The following MCFD2 variants were observed in gnomAD, a reference collection of about 807,000 sequenced individuals.
MCFD2 encodes multiple coagulation factor deficiency 2, ER cargo receptor complex subunit, also known as multiple coagulation factor deficiency protein 2.
A neutral mutation model predicts 12.8 loss-of-function variants in MCFD2; 11 were observed. The ratio of observed to expected loss-of-function variants is 0.86; its 90% CI spans 0.54 to 1.42. The LOEUF (loss-of-function observed/expected upper bound fraction) is 1.42. Among genes scored for constraint, MCFD2 ranks in the 40% most tolerant of loss-of-function variants. MCFD2 has a pLI of 0.00. For missense variants in MCFD2, 191 were observed against 178.6 expected, an observed-to-expected ratio of 1.07 and a Z score of -0.40; for synonymous variants, 70 against 68.1, an observed-to-expected ratio of 1.03 and a Z score of -0.14.
intron 1 of MCFD2, among the ~76,000 whole-genome samples, chr2:46,931,187 C>G (rs751466810): frequency 6.6e-6 from 1 of 152,236 alleles, no homozygotes; most frequent in Non-Finnish European, 1.5e-5. Flanking sequence ...GCAATCATGG[C>G]TCACTGCAGC....
chr2:46,927,355 A>AT lies in MCFD2; in HGVS notation c.-8+14216dup, dbSNP rs60808815. ...TATTAAAGATAGAGGAGAAAAAAAGATTTTTTTTTTTTTTTTTTTGAGATG... is the reference window on the plus strand; with the variant it reads ...TATTAAAGATAGAGGAGAAAAAAAGATTTTTTTTTTTTTTTTTTTTGAGATG... On this transcript the variant is annotated intron_variant, in intron 1 of 2. Transcript: ENST00000409147. Among the ~76,000 whole-genome samples the AT allele has an allele frequency of 4.6e-3, 608 of 132,876 alleles. 3 individuals carry two copies. The highest frequency in any genetic ancestry group is 0.02 in the South Asian group (83 of 4,192). The allele number at this position is 132,876 out of a possible 152,430, so 87.2% of individuals were successfully genotyped here.
At chr2:46,914,918 A>T (rs1668646014) in intron 1 of MCFD2, among the ~76,000 whole-genome samples, 1 of 152,250 alleles carries the variant, frequency 6.6e-6, no homozygotes, top group Non-Finnish European at 1.5e-5. Flanking sequence ...AGTTAAAGGA[A>T]GACAGGTCAT....
intron 1 of MCFD2, among the ~76,000 whole-genome samples, chr2:46,933,532 G>C (rs1173396475): frequency 6.6e-6 from 1 of 152,186 alleles, no homozygotes; most frequent in Non-Finnish European, 1.5e-5. Flanking sequence ...GCCAGCTCCT[G>C]GCAGAGTTTT....
chr2:46,917,982 T>C (rs994978296), upstream of MCFD2, among the ~76,000 whole-genome samples: 6 of 152,202 alleles, frequency 3.9e-5, no homozygotes, highest in Non-Finnish European at 8.8e-5. Flanking sequence ...CTATCCACCC[T>C]CCCTATGTGA....
upstream of MCFD2, among the ~76,000 whole-genome samples, chr2:46,920,391 A>T (rs1669040040): frequency 6.6e-6 from 1 of 152,028 alleles, no homozygotes; most frequent in African/African-American, 2.4e-5. Flanking sequence ...GTACAGTGGC[A>T]CGATCTTAGC....
At position 46,908,972 on chromosome 2, in the gene MCFD2, G is replaced by T. The variant is rs752210000; in HGVS notation, c.149+51C>A. 1 of 1,612,838 alleles carries T rather than the reference G, an allele frequency of 6.2e-7. No individual in the cohort carries two copies. The highest frequency in any genetic ancestry group is 8.5e-7 in the Non-Finnish European group (1 of 1,178,912). The stretch of plus-strand genomic sequence containing the variant: ...TGAGCATGCCCTTGCCGCTGGCTCA[G>T]CTGCAGATGATGGGGAGGCCACTGG... On this transcript the variant is annotated intron_variant, in intron 2 of 3. Coordinates refer to ENST00000319466, the MANE Select transcript of MCFD2 (RefSeq NM_139279.6). The surrounding 1 kb of genome is among the most constrained non-coding windows in gnomAD (Gnocchi z 4.5).
At chr2:46,929,199 C>T (rs992649084) in intron 1 of MCFD2, among the ~76,000 whole-genome samples, 1 of 151,968 alleles carries the variant, frequency 6.6e-6, no homozygotes, top group Non-Finnish European at 1.5e-5. Flanking sequence ...AAAAACACTT[C>T]TAGGCTGGGT....
At chr2:46,932,419 G>C (rs539154022) in intron 1 of MCFD2, among the ~76,000 whole-genome samples, 36 of 152,230 alleles carry the variant, frequency 2.4e-4, no homozygotes, top group Non-Finnish European at 5.3e-4. Flanking sequence ...AAAGTGCTGG[G>C]ATTACAGGCG....
chr2:46,915,492 G>A (rs1046344550), intron 1 of MCFD2, among the ~76,000 whole-genome samples: 3 of 152,188 alleles, frequency 2.0e-5, no homozygotes, highest in African/African-American at 7.2e-5. Context: ...CAGGGAAGGG[G>A]GCGGAGATCT....
rs1206931362 is a variant in MCFD2 at position 46,904,188 on chromosome 2, C to T, written c.*1275G>A. On this transcript the variant is annotated 3_prime_UTR_variant, in exon 4 of 4. Coordinates refer to ENST00000319466, the MANE Select transcript of MCFD2 (RefSeq NM_139279.6). ...AGATGTATGGAAATGCCTCAATGCC[C>T]AGGCAAACGTTTGCTGCAGGGGAGA... 1 of 152,218 alleles carries T rather than the reference C, an allele frequency of 6.6e-6. No homozygotes were observed. The highest frequency in any genetic ancestry group is 2.4e-5 in the African/African-American group (1 of 41,432). 9.4% of individuals were successfully genotyped at this position (152,218 alleles called of 1,614,324 possible). A position where few individuals can be genotyped will look rare whatever the true frequency, so the allele number is the denominator to read the frequency against.
At chr2:46,915,613 C>T in intron 1 of MCFD2, 110 bp downstream of exon 1, 1 of 271,420 alleles carries the variant, frequency 3.7e-6, no homozygotes, top group Non-Finnish European at 5.6e-6. Context: ...CCTGGGGGCC[C>T]AGCCCGCGCC....
rs528468662 is a variant in MCFD2, at chr2:46,940,033, G to T, written c.-8+1539C>A. On this transcript the variant is annotated intron_variant, in intron 1 of 2. Transcript: ENST00000409147. This position sits in a 1 kb window ranked among gnomAD's most constrained non-coding sequence, Gnocchi z 4.7. ...GGAGCTGCATTTAGAACCCGGAGAG[G>T]AGGGCCTCCACATGGGAGTCGGGGG... Among the ~76,000 whole-genome samples, 1 of 152,278 alleles carries T rather than the reference G, an allele frequency of 6.6e-6. No homozygotes were observed. The highest frequency in any genetic ancestry group is 2.4e-5 in the African/African-American group (1 of 41,552).
chr2:46,915,623 C>A (rs1203759026), intron 1 of MCFD2, 100 bp downstream of exon 1: 2 of 317,996 alleles, frequency 6.3e-6, no homozygotes, highest in African/African-American at 4.5e-5. Context: ...CAGCCCGCGC[C>A]CCCAGACTAC....
intron 1 of MCFD2, among the ~76,000 whole-genome samples, chr2:46,911,848 C>T (rs991416205): frequency 6.6e-6 from 1 of 151,960 alleles, no homozygotes; most frequent in East Asian, 2.0e-4. Flanking sequence ...ATGGCATGAA[C>T]CCGGAGGTGG....
Position 46,907,920 on chromosome 2 carries a change from T to A in MCFD2, c.199A>T (p.Met67Leu). 6.2e-7 allele frequency: 1 copy of A among 1,614,192 alleles called. No individual in the cohort carries two copies. The highest frequency in any genetic ancestry group is 8.5e-7 in the Non-Finnish European group (1 of 1,180,038). Reference sequence around the variant, plus strand: ...TGGAGCTGCAATTCTTGTGGCGACATCTCCGCCTCTGGTTTGTTGATGACA... The same window carrying A: ...TGGAGCTGCAATTCTTGTGGCGACAACTCCGCCTCTGGTTTGTTGATGACA... ...EGVINKPEAE[M>L]SPQELQLHYF... The change falls in exon 3 of 4, where the codon ATG (methionine) becomes TTG (leucine). Residue 67 changes from methionine to leucine, a missense_variant. Coordinates refer to ENST00000319466, the MANE Select transcript of MCFD2 (RefSeq NM_139279.6). This position sits in a 1 kb window ranked among gnomAD's most constrained non-coding sequence, Gnocchi z 4.1.
At chr2:46,924,642 C>G (rs536093545) in intron 1 of MCFD2, among the ~76,000 whole-genome samples, 1 of 150,644 alleles carries the variant, frequency 6.6e-6, no homozygotes, top group African/African-American at 2.4e-5. Context: ...TTTTTTTCCC[C>G]TGGAGATAGG....
At position 46,936,732 on chromosome 2, in the gene MCFD2, A is replaced by G. The variant is rs1669998008; in HGVS notation, c.-8+4840T>C. On this transcript the variant is annotated intron_variant, in intron 1 of 2. Transcript: ENST00000409147. ...ATAATTTAGAATTGCGGTAGCCACT[A>G]TGAGGAATTTCTGATATGCACAAAA... 2.0e-5 allele frequency among the ~76,000 whole-genome samples: 3 copies of G among 152,212 alleles called. No homozygotes were observed. In the South Asian group the frequency reaches 6.2e-4, roughly 32 times the overall value.
chr2:46,936,859 AT>A (rs67502094), intron 1 of MCFD2, among the ~76,000 whole-genome samples: 18,583 of 142,608 alleles, frequency 0.13, 1,362 homozygotes, highest in African/African-American at 0.24. Context: ...AGGATTCCAA[AT>A]TTTTTTTTTT....
intron 1 of MCFD2, among the ~76,000 whole-genome samples, chr2:46,938,434 C>T (rs540829788): frequency 5.1e-4 from 78 of 152,182 alleles, no homozygotes; most frequent in African/African-American, 1.4e-3. Flanking sequence ...ACCTGTGCCT[C>T]GGACCTTCAA....
Sources: gnomAD v4.1 joint callset for allele counts (sites outside exome capture counted in the v4.1 genomes callset) on GRCh38, gnomAD v4.1.1 for gene constraint, Gnocchi (gnomAD v3.1) non-coding constraint, MANE v1.5 for transcripts, NCBI Gene and HGNC (gene_info 2026-07-23, HGNC 2026-07-21) for gene names.